HAS1: variants seen among roughly 807,000 people sequenced by gnomAD.
HAS1 encodes the protein HA synthase 1.
HAS1 carries 27 observed loss-of-function variants against 35.0 expected under a neutral mutation model. That is an observed-to-expected ratio of 0.77 (90% confidence interval 0.57 to 1.06). The LOEUF (loss-of-function observed/expected upper bound fraction) is 1.06, where lower values mean the gene tolerates loss of function less well. Ranked by LOEUF, HAS1 falls within the 50% of genes least tolerant of loss-of-function variation. The pLI, the probability that HAS1 is intolerant of heterozygous loss-of-function variation, is 0.00. For missense variants in HAS1, 940 were observed against 814.8 expected (o/e 1.15, Z -1.87); for synonymous variants, 409 against 371.2 (o/e 1.10, Z -1.17).
rs573145169 is a variant in HAS1, at chr19:51,714,189, G to A, written c.1059-87C>T. 2.0e-6 allele frequency: 3 copies of A among 1,528,990 alleles called. No individual in the cohort carries two copies. In the African/African-American group the frequency reaches 4.1e-5, roughly 21 times the overall value. The allele number at this position is 1,528,990 out of a possible 1,614,324, so 94.7% of individuals were successfully genotyped here. ...GGAGGCAGAAATGACCACTGTGGAC[G>A]GCCACTGGGGGCGAGTTTCTTAACC... On this transcript the variant is annotated intron_variant, in intron 4 of 4. Transcript: ENST00000540069.
chr19:51,723,882 T>TACAC (rs759536923), intron 1 of HAS1, 43 bp downstream of exon 1: 207 of 659,474 alleles, frequency 3.1e-4, no homozygotes, highest in South Asian at 1.7e-3. Context: ...CACATGGCTG[T>TACAC]ATACACACAC....
At position 51,713,617 on chromosome 19, in the gene HAS1, C is replaced by T. The variant is rs765735334; in HGVS notation, c.1544G>A (p.Gly515Asp). ...CTCGTGTGCTACGCTGCGGACCAGG[C>T]CCCCAAGCAGCAGCAGCGCCCAGAG... The part of the protein sequence containing the change: ...LALWALLLLG[G>D]LVRSVAHEAR... The change falls in exon 5 of 5, where the codon GGC (glycine) becomes GAC (aspartate). Residue 515 changes from glycine to aspartate, a missense_variant. By Grantham distance (94) the Gly-to-Asp change is moderately conservative. Coordinates refer to ENST00000540069, the MANE Select transcript of HAS1 (RefSeq NM_001297436.2). The surrounding 1 kb of genome is among the most constrained non-coding windows in gnomAD (Gnocchi z 4.5). 1.1e-4 allele frequency: 174 copies of T among 1,557,750 alleles called. No individual in the cohort carries two copies. Among genetic ancestry groups the T allele is most frequent in the Non-Finnish European group, 1.3e-4 (152 of 1,151,512 alleles).
At chr19:51,720,421 A>C (rs2083624036) in intron 1 of HAS1, among the ~76,000 whole-genome samples, 1 of 152,044 alleles carries the variant, frequency 6.6e-6, no homozygotes. Context: ...GGGCCCCAAA[A>C]TTATTTTCAT....
rs140416890 is a variant in HAS1, at chr19:51,716,972, A to G, written c.921T>C (p.Pro307=). 21 of 1,607,434 alleles carry G rather than the reference A, an allele frequency of 1.3e-5. No individual in the cohort carries two copies. Among genetic ancestry groups the G allele is most frequent in the African/African-American group, 2.7e-5 (2 of 74,750 alleles). Residue 307 remains proline (P), a synonymous_variant, in exon 3 of 5, where the codon CCT becomes CCC. Coordinates refer to ENST00000540069, the MANE Select transcript of HAS1 (RefSeq NM_001297436.2). The part of the protein sequence containing the change: ...YFHCVSCISG[P]LGLYRNNLLQ... ...CCAATCTCTGCCCCTGCTTACCTAG[A>G]GGACCGCTGATGCAGGATACACAGT...
intron 1 of HAS1, among the ~76,000 whole-genome samples, chr19:51,720,809 A>C (rs2083626720): frequency 6.6e-6 from 1 of 152,138 alleles, no homozygotes; most frequent in Non-Finnish European, 1.5e-5. Flanking sequence ...AAATCTCTTA[A>C]ATCCGTGAGG....
Position 51,719,250 on chromosome 19 carries a change from A to G in HAS1, c.655T>C (p.Tyr219His). The G allele has an allele frequency of 1.9e-6, 3 of 1,607,026 alleles. No individual in the cohort carries two copies. Among genetic ancestry groups the G allele is most frequent in the South Asian group, 2.2e-5 (2 of 89,930 alleles). The change falls in exon 2 of 5, where the codon TAC becomes CAC. Residue 219 changes from tyrosine to histidine, a missense_variant. By Grantham distance (83) the Tyr-to-His change is moderately conservative. Transcript: ENST00000540069. ...QRWGGKREVM[Y>H]TAFKALGDSV... Reference sequence around the variant, plus strand: ...TCTCCGAGCGCCTTGAAGGCTGTGTACATGACCTCGCGCTTGCCGCCCCAG... The same window carrying G: ...TCTCCGAGCGCCTTGAAGGCTGTGTGCATGACCTCGCGCTTGCCGCCCCAG...
Position 51,713,192 on chromosome 19 carries a change from C to A in HAS1, c.*235G>T, listed in dbSNP as rs1208821218. The A allele has an allele frequency of 1.7e-5, 7 of 400,494 alleles. No homozygotes were observed. The highest frequency in any genetic ancestry group is 7.0e-5 in the African/African-American group (3 of 42,606). 24.8% of individuals were successfully genotyped at this position (400,494 alleles called of 1,614,324 possible). A position where few individuals can be genotyped will look rare whatever the true frequency, so the allele number is the denominator to read the frequency against. Reference sequence around the variant, plus strand: ...AATAAGAACGAGGAGAAAGCAGGACCCTTTCCCTCCACTCCTCAGATCCCA... The same window carrying A: ...AATAAGAACGAGGAGAAAGCAGGACACTTTCCCTCCACTCCTCAGATCCCA... On this transcript the variant is annotated 3_prime_UTR_variant, in exon 5 of 5. Transcript: ENST00000540069. The surrounding 1 kb of genome is among the most constrained non-coding windows in gnomAD (Gnocchi z 4.5).
At chr19:51,714,693 T>A (rs1304938514) in intron 4 of HAS1, among the ~76,000 whole-genome samples, 2 of 12,882 alleles carry the variant, frequency 1.6e-4, no homozygotes, top group Admixed American at 1.1e-3. Flanking sequence ...CAAGACTCTA[T>A]CTAAGAAAAA....
intron 1 of HAS1, among the ~76,000 whole-genome samples, chr19:51,721,869 C>G (rs1198840970): frequency 3.3e-5 from 5 of 152,168 alleles, no homozygotes; most frequent in African/African-American, 1.2e-4. Context: ...CCCTAAAGTG[C>G]TGGGATTATA....
Position 51,713,679 on chromosome 19 carries a change from C to T in HAS1, c.1482G>A (p.Lys494=), listed in dbSNP as rs1277362898. 6.3e-7 allele frequency: 1 copy of T among 1,586,614 alleles called. No homozygotes were observed. Among genetic ancestry groups the T allele is most frequent in the South Asian group, 1.1e-5 (1 of 88,028 alleles). The change falls in exon 5 of 5, where the codon AAG becomes AAA. Residue 494 remains lysine, a synonymous_variant. Coordinates refer to ENST00000540069, the MANE Select transcript of HAS1 (RefSeq NM_001297436.2). The surrounding 1 kb of genome is among the most constrained non-coding windows in gnomAD (Gnocchi z 4.5). ...GCAGAGGGACGTAGTTAGCGGCCAG[C>T]TTCCGCCGGCCCGAGGTGCCCCAGC... is the stretch of plus-strand genomic sequence containing the variant. ...QSGWGTSGRR[K]LAANYVPLLP...
rs771470487 is a variant in HAS1, at chr19:51,716,979, C to T, written c.914G>A (p.Ser305Asn). 1.2e-6 allele frequency: 2 copies of T among 1,611,606 alleles called. No homozygotes were observed. The highest frequency in any genetic ancestry group is 1.7e-6 in the Non-Finnish European group (2 of 1,177,750). Residue 305 changes from serine to asparagine, a missense_variant, in exon 3 of 5, where the codon AGC (serine) becomes AAC (asparagine). Ser to Asn is a conservative substitution (Grantham distance 46). Coordinates refer to ENST00000540069, the MANE Select transcript of HAS1 (RefSeq NM_001297436.2). ...QSYFHCVSCI[S>N]GPLGLYRNNL... ...CTGCCCCTGCTTACCTAGAGGACCGCTGATGCAGGATACACAGTGGAAGTA... is the reference window on the plus strand; with the variant it reads ...CTGCCCCTGCTTACCTAGAGGACCGTTGATGCAGGATACACAGTGGAAGTA...
rs956193883 is a variant in HAS1 at position 51,717,054 on chromosome 19, C to T, written c.839G>A (p.Ser280Asn). 6 of 1,614,108 alleles carry T rather than the reference C, an allele frequency of 3.7e-6. No individual in the cohort carries two copies. The highest frequency in any genetic ancestry group is 3.3e-5 in the Admixed American group (2 of 60,016). Residue 280 changes from serine to asparagine, a missense_variant, in exon 3 of 5, where the codon AGC (serine) becomes AAC (asparagine). Ser to Asn is a conservative substitution (Grantham distance 46). Transcript: ENST00000540069. ...NPLDSWVSFL[S>N]SLRYWVAFNV... The stretch of plus-strand genomic sequence containing the variant: ...GAAGGCTACCCAGTATCGCAGGCTG[C>T]TTAGGAAGCTGACCCAGGAGTCCAG...
In HAS1 at chr19:51,719,740, G is replaced by C. The variant is rs1210699688; in HGVS notation, c.165C>G (p.Phe55Leu). ...LASDRYGLLA[F>L]GLYGAFLSAH... ...CTGAAAGGAAGGCCCCGTAGAGGCC[G>C]AAGGCCAGGAGGCCGTAGCGATCGG... Residue 55 changes from phenylalanine to leucine, a missense_variant, in exon 2 of 5, where the codon TTC becomes TTG. By Grantham distance (22) the Phe-to-Leu change is conservative. Transcript: ENST00000540069. The C allele has an allele frequency of 3.8e-6, 6 of 1,567,942 alleles. No individual in the cohort carries two copies. In the African/African-American group the frequency reaches 8.1e-5, roughly 21 times the overall value.
At chr19:51,722,150 A>G (rs563215435) in intron 1 of HAS1, among the ~76,000 whole-genome samples, 41 of 152,234 alleles carry the variant, frequency 2.7e-4, no homozygotes, top group Non-Finnish European at 5.1e-4. Context: ...TTTGTGTCCA[A>G]CACAGGTGTC....
At chr19:51,718,767 C>G (rs1324046934) in intron 2 of HAS1, among the ~76,000 whole-genome samples, 3 of 152,178 alleles carry the variant, frequency 2.0e-5, no homozygotes, top group Non-Finnish European at 4.4e-5. Flanking sequence ...GAACTCCTGA[C>G]CTCAGGTGAT....
rs1322248170 is a variant in HAS1 at position 51,719,436 on chromosome 19, C to T, written c.469G>A (p.Ala157Thr). The change falls in exon 2 of 5, where the codon GCC becomes ACC. Residue 157 changes from alanine (A) to threonine (T), a missense_variant. Transcript: ENST00000540069. ...TAGTTGCCGTCCCACACGTACGTGG[C>T]GGGGTCCTCGTCAGCGAAGACCTCG... The part of the protein sequence containing the change: ...FREVFADEDP[A>T]TYVWDGNYHQ... 1.3e-6 allele frequency: 2 copies of T among 1,553,978 alleles called. No individual in the cohort carries two copies. Among genetic ancestry groups the T allele is most frequent in the Non-Finnish European group, 1.7e-6 (2 of 1,148,162 alleles).
At chr19:51,716,220 C>T in intron 4 of HAS1, 36 bp downstream of exon 4, 1 of 1,588,006 alleles carries the variant, frequency 6.3e-7, no homozygotes. Flanking sequence ...TCATTGGCCT[C>T]CACACATACC....
chr19:51,723,359 C>CT (rs2083643549), intron 1 of HAS1, among the ~76,000 whole-genome samples: 1 of 152,158 alleles, frequency 6.6e-6, no homozygotes, highest in Non-Finnish European at 1.5e-5. Context: ...AACTGAGAGT[C>CT]TGGGGCAATG....
chr19:51,720,838 G>T (rs2083626921), intron 1 of HAS1, among the ~76,000 whole-genome samples: 1 of 152,156 alleles, frequency 6.6e-6, no homozygotes, highest in African/African-American at 2.4e-5. Flanking sequence ...ATGCGATGGA[G>T]TGTCACAATT....
Sources: allele counts gnomAD v4.1 joint callset (sites outside exome capture counted in the v4.1 genomes callset), GRCh38; gene constraint gnomAD v4.1.1; non-coding constraint Gnocchi (gnomAD v3.1); transcripts MANE v1.5; gene names NCBI Gene and HGNC (gene_info 2026-07-23, HGNC 2026-07-21).